Variants in CADM2 observed in about 807,000 individuals in gnomAD.
CADM2 encodes cell adhesion molecule 2.
CADM2 carries 12 observed loss-of-function variants against 49.8 expected under a neutral mutation model. That is an observed-to-expected ratio of 0.24 (90% CI 0.15 to 0.39). CADM2 has a LOEUF of 0.39. Ranked by LOEUF, CADM2 falls within the 10% of genes least tolerant of loss-of-function variation. The probability of loss-of-function intolerance (pLI) is 1.00; values close to 1 mark genes in which losing one functional copy is unlikely to be tolerated. For missense variants in CADM2, 378 were observed against 492.3 expected, an observed-to-expected ratio of 0.77 and a Z score of 2.20; for synonymous variants, 214 against 175.4, an observed-to-expected ratio of 1.22 and a Z score of -1.74.
At chr3:85,733,777 T>C (rs1440542309) in intron 2 of CADM2, among the ~76,000 whole-genome samples, 1 of 152,158 alleles carries the variant, frequency 6.6e-6, no homozygotes. Flanking sequence ...ATAATACTTT[T>C]TTATTCTGTC....
At chr3:85,347,520 T>C in intron 1 of CADM2, among the ~76,000 whole-genome samples, 2 of 146,988 alleles carry the variant, frequency 1.4e-5, no homozygotes, top group Middle Eastern at 7.2e-3. Context: ...TACACACATA[T>C]ATATAAATGT....
In CADM2 at chr3:85,022,666, T is replaced by C. The variant is rs546174706; in HGVS notation, c.61+62998T>C. ...GTAACCTGCCACACATCATTGACAT[T>C]ATTCTAGTGTGCATTTTTTTCCCTC... On this transcript the variant is annotated intron_variant, in intron 1 of 9. Transcript: ENST00000383699. Among the ~76,000 whole-genome samples, 12 of 152,280 alleles carry C rather than the reference T, an allele frequency of 7.9e-5. No homozygotes were observed. The East Asian group carries it at 2.1e-3, about 27-fold the overall frequency.
At chr3:85,784,476 G>A (rs1260459079) in intron 2 of CADM2, among the ~76,000 whole-genome samples, 1 of 151,690 alleles carries the variant, frequency 6.6e-6, no homozygotes, top group Non-Finnish European at 1.5e-5. Flanking sequence ...ATAAGAATCA[G>A]GTATTATTAA....
intron 1 of CADM2, among the ~76,000 whole-genome samples, chr3:85,259,299 C>T (rs559219293): frequency 7.8e-4 from 119 of 152,128 alleles, no homozygotes; most frequent in African/African-American, 2.6e-3. Context: ...CTGGTAACTA[C>T]GAACACTAAG....
intron 8 of CADM2, chr3:86,014,862 A>T (rs1732011982): frequency 1.3e-6 from 2 of 1,529,278 alleles, no homozygotes; most frequent in East Asian, 4.6e-5. Flanking sequence ...GTTTTTTCCT[A>T]ATGTGTATGC....
chr3:85,801,982 G>C, intron 2 of CADM2, 65 bp from the exon 3 acceptor site: 1 of 1,381,740 alleles, frequency 7.2e-7, no homozygotes, highest in Non-Finnish European at 1.0e-6. Context: ...GGCCAGTGTA[G>C]ATCTTAGGCA....
At chr3:85,277,176 G>A (rs1333552413) in intron 1 of CADM2, among the ~76,000 whole-genome samples, 1 of 151,322 alleles carries the variant, frequency 6.6e-6, no homozygotes, top group African/African-American at 2.4e-5. Flanking sequence ...TAACTGCTAA[G>A]TACTGGAGTA....
At chr3:85,567,471 G>T (rs1468901062) in intron 1 of CADM2, among the ~76,000 whole-genome samples, 1 of 152,112 alleles carries the variant, frequency 6.6e-6, no homozygotes, top group Admixed American at 6.5e-5. Context: ...AATATGAAGA[G>T]ATTATTTTCC....
intron 1 of CADM2, among the ~76,000 whole-genome samples, chr3:85,187,386 A>C (rs1054987259): frequency 2.0e-5 from 3 of 152,140 alleles, no homozygotes; most frequent in African/African-American, 7.2e-5. Flanking sequence ...CATGTTTTAT[A>C]TTCTTGCGAG....
chr3:85,294,595 T>C (rs1049189925), intron 1 of CADM2, among the ~76,000 whole-genome samples: 1 of 151,868 alleles, frequency 6.6e-6, no homozygotes, highest in African/African-American at 2.4e-5. Context: ...AACAGAGATA[T>C]AGATCAATGG....
At chr3:85,915,475 TA>T (rs1193893295) in intron 6 of CADM2, among the ~76,000 whole-genome samples, 3 of 152,090 alleles carry the variant, frequency 2.0e-5, no homozygotes, top group Non-Finnish European at 2.9e-5. Flanking sequence ...CTCCGGAGAT[TA>T]AATGAGTAGA....
chr3:85,058,370 T>C (rs542796177), intron 1 of CADM2, among the ~76,000 whole-genome samples: 6 of 152,298 alleles, frequency 3.9e-5, no homozygotes, highest in African/African-American at 1.2e-4. Flanking sequence ...TGAGTGCACA[T>C]AGGCAACAAA....
intron 3 of CADM2, among the ~76,000 whole-genome samples, chr3:85,850,588 A>G (rs1577472183): frequency 1.3e-5 from 2 of 152,092 alleles, no homozygotes; most frequent in Middle Eastern, 3.4e-3. Context: ...TCGGCCTCCC[A>G]AAGTGCTGGG....
chr3:85,109,410 T>C (rs2038368929), intron 1 of CADM2, among the ~76,000 whole-genome samples: 2 of 151,418 alleles, frequency 1.3e-5, no homozygotes, highest in Admixed American at 1.3e-4. Context: ...AAAGACATCA[T>C]CAGGCATAAA....
intron 1 of CADM2, among the ~76,000 whole-genome samples, chr3:85,585,095 G>C (rs764508419): frequency 1.3e-5 from 2 of 151,938 alleles, no homozygotes; most frequent in South Asian, 4.1e-4. Context: ...TCTGAGCAGC[G>C]TAATGGAATC....
intron 2 of CADM2, chr3:85,800,061 C>G (rs1177656282): frequency 3.3e-5 from 5 of 152,248 alleles, no homozygotes; most frequent in Non-Finnish European, 7.3e-5. Context: ...CGGCTGCTGC[C>G]TTTCTTTTAG....
chr3:85,254,258 G>T (rs1291390825), intron 1 of CADM2, among the ~76,000 whole-genome samples: 2 of 152,038 alleles, frequency 1.3e-5, no homozygotes, highest in African/African-American at 4.8e-5. Flanking sequence ...GTGGGAAGGG[G>T]TGTGGAGTTT....
rs1440467932 is a variant in CADM2, at chr3:86,055,481, G to GTTTTTTTTTTTTTTTTTTTT, written c.971-10120_971-10119insTTTTTTTTTTTTTTTTTTTT. On this transcript the variant is annotated intron_variant, in intron 8 of 9. Coordinates refer to ENST00000383699, the MANE Select transcript of CADM2 (RefSeq NM_001167675.2). The stretch of plus-strand genomic sequence containing the variant: ...TTTTTTTTTTTTTTTTTTTTTTTTG[G>GTTTTTTTTTTTTTTTTTTTT]TTTTAGAGGGATTCTTGCTCTGTCA... Among the ~76,000 whole-genome samples, 16 of 121,038 alleles carry GTTTTTTTTTTTTTTTTTTTT rather than the reference G, an allele frequency of 1.3e-4. 1 individual carries two copies. Among genetic ancestry groups the GTTTTTTTTTTTTTTTTTTTT allele is most frequent in the African/African-American group, 9.7e-5 (3 of 30,942 alleles). 79.4% of individuals were successfully genotyped at this position (121,038 alleles called of 152,430 possible). A position where few individuals can be genotyped will look rare whatever the true frequency, so the allele number is the denominator to read the frequency against.
intron 1 of CADM2, among the ~76,000 whole-genome samples, chr3:85,572,545 C>T (rs983284096): frequency 6.6e-5 from 10 of 152,126 alleles, no homozygotes; most frequent in South Asian, 6.2e-4. Context: ...AATCTCATGA[C>T]GAGTCTTCTG....
Sources: gnomAD v4.1 joint callset for allele counts (sites outside exome capture counted in the v4.1 genomes callset) on GRCh38, gnomAD v4.1.1 for gene constraint, MANE v1.5 for transcripts, NCBI Gene and HGNC (gene_info 2026-07-23, HGNC 2026-07-21) for gene names.